The following IGF2BP3 variants were observed in gnomAD, a reference collection of about 807,000 sequenced individuals.
IGF2BP3 encodes the protein insulin like growth factor 2 mRNA binding protein 3.
IGF2BP3 carries 9 observed loss-of-function variants against 73.8 expected under a neutral mutation model. The ratio of observed to expected loss-of-function variants is 0.12; its 90% CI spans 0.07 to 0.21. IGF2BP3 has a LOEUF of 0.21. IGF2BP3 is among the 10% of genes least tolerant of loss of function. The probability of loss-of-function intolerance (pLI) is 1.00; values close to 1 mark genes in which losing one functional copy is unlikely to be tolerated. For synonymous variants in IGF2BP3, 258 were observed against 256.7 expected (o/e 1.01, Z -0.05); for missense variants, 542 against 714.0 (o/e 0.76, Z 2.75).
chr7:23,342,529 T>C (rs1173011607), intron 9 of IGF2BP3, among the ~76,000 whole-genome samples: 1 of 152,060 alleles, frequency 6.6e-6, no homozygotes, highest in Non-Finnish European at 1.5e-5. Context: ...CAAAAAGCAA[T>C]GTATCAGAGT....
At chr7:23,407,886 T>C (rs1786886787) in intron 3 of IGF2BP3, among the ~76,000 whole-genome samples, 2 of 124,292 alleles carry the variant, frequency 1.6e-5, no homozygotes, top group Non-Finnish European at 1.6e-5. Flanking sequence ...AAGAATAAAA[T>C]ACCACAATAA....
At position 23,469,419 on chromosome 7, in the gene IGF2BP3, G is replaced by T. The variant is rs934792836; in HGVS notation, c.175+517C>A. 5 of 152,364 alleles carry T rather than the reference G, an allele frequency of 3.3e-5. No individual in the cohort carries two copies. The highest frequency in any genetic ancestry group is 1.2e-4 in the African/African-American group (5 of 41,468). 9.4% of individuals were successfully genotyped at this position (152,364 alleles called of 1,614,324 possible). A position where few individuals can be genotyped will look rare whatever the true frequency, so the allele number is the denominator to read the frequency against. On this transcript the variant is annotated intron_variant, in intron 1 of 14. Transcript: ENST00000258729. The surrounding 1 kb of genome is among the most constrained non-coding windows in gnomAD (Gnocchi z 6.1). Reference sequence around the variant, plus strand: ...TCCCACAGGGTGGGGAGGAAGCGCGGGGCCGCCTGTGCGAGGCACCAGCCT... The same window carrying T: ...TCCCACAGGGTGGGGAGGAAGCGCGTGGCCGCCTGTGCGAGGCACCAGCCT...
chr7:23,371,654 A>G (rs1785551539), intron 3 of IGF2BP3, among the ~76,000 whole-genome samples: 1 of 152,244 alleles, frequency 6.6e-6, no homozygotes, highest in East Asian at 1.9e-4. Flanking sequence ...CAGACCATTA[A>G]TAAGATTGTA....
intron 10 of IGF2BP3, among the ~76,000 whole-genome samples, chr7:23,320,246 T>C (rs538238323): frequency 6.6e-6 from 1 of 152,150 alleles, no homozygotes; most frequent in African/African-American, 2.4e-5. Context: ...AATTAGAAAA[T>C]ATTTTGTAGG....
Position 23,312,328 on chromosome 7 carries a change from C to T in IGF2BP3, c.*34G>A, listed in dbSNP as rs1783854931. ...GTTAAGCAATCTGTCTTTGGTTTGG[C>T]ATCTGCCTCTGTGGTGGGCTGTTTC... On this transcript the variant is annotated 3_prime_UTR_variant, in exon 15 of 15. Coordinates refer to ENST00000258729, the MANE Select transcript of IGF2BP3 (RefSeq NM_006547.3). The T allele has an allele frequency of 2.7e-6, 4 of 1,455,914 alleles. No homozygotes were observed. The highest frequency in any genetic ancestry group is 3.9e-6 in the Non-Finnish European group (4 of 1,037,680). The allele number at this position is 1,455,914 out of a possible 1,614,324, so 90.2% of individuals were successfully genotyped here.
At chr7:23,361,316 C>T (rs192653076) in intron 5 of IGF2BP3, 3 of 483,102 alleles carry the variant, frequency 6.2e-6, no homozygotes, top group African/African-American at 3.9e-5. Context: ...CTATTATTGG[C>T]ATTAAAGATA....
At chr7:23,357,200 C>G (rs140958594) in intron 5 of IGF2BP3, among the ~76,000 whole-genome samples, 1 of 152,048 alleles carries the variant, frequency 6.6e-6, no homozygotes, top group Non-Finnish European at 1.5e-5. Flanking sequence ...TTGCTTCAAA[C>G]ACTTCTAAAC....
At chr7:23,406,809 C>T (rs1055247248) in intron 3 of IGF2BP3, among the ~76,000 whole-genome samples, 3 of 152,096 alleles carry the variant, frequency 2.0e-5, no homozygotes, top group Admixed American at 1.3e-4. Flanking sequence ...CTGATTGGTG[C>T]GTTTTTATAG....
chr7:23,398,463 T>C (rs1340593501), intron 3 of IGF2BP3, among the ~76,000 whole-genome samples: 1 of 152,206 alleles, frequency 6.6e-6, no homozygotes, highest in Non-Finnish European at 1.5e-5. Flanking sequence ...GTATTTCTAG[T>C]TCTAGATCCC....
intron 2 of IGF2BP3, among the ~76,000 whole-genome samples, chr7:23,426,798 G>T (rs929591478): frequency 3.3e-5 from 5 of 152,128 alleles, no homozygotes; most frequent in Non-Finnish European, 7.3e-5. Context: ...TTTCTATGAT[G>T]TTGGCAGCTA....
Position 23,319,192 on chromosome 7 carries a change from G to A in IGF2BP3, c.1266C>T (p.Gly422=), listed in dbSNP as rs752030714. 6.2e-7 allele frequency: 1 copy of A among 1,613,826 alleles called. No homozygotes were observed. The highest frequency in any genetic ancestry group is 1.3e-5 in the African/African-American group (1 of 74,920). The stretch of plus-strand genomic sequence containing the variant: ...GCTGCTTGATGTGCTGGCCCTGCTT[G>A]CCGATGATGGCACCGACTGATAGAG... ...IPALSVGAII[G]KQGQHIKQLS... Residue 422 remains glycine, a synonymous_variant, in exon 11 of 15, where the codon GGC becomes GGT. Transcript: ENST00000258729.
chr7:23,361,589 C>G lies in IGF2BP3; in HGVS notation c.346G>C (p.Asp116His). The G allele has an allele frequency of 1.2e-6, 2 of 1,613,376 alleles. No homozygotes were observed. The highest frequency in any genetic ancestry group is 1.7e-6 in the Non-Finnish European group (2 of 1,179,702). The change falls in exon 5 of 15, where the codon GAC becomes CAC. Residue 116 changes from aspartate to histidine, a missense_variant. Asp to His is a moderately conservative substitution (Grantham distance 81, BLOSUM62 -1). This residue lies in a region of IGF2BP3 where 239 missense variants were observed against 241.9 expected (regional missense o/e 0.99). Coordinates refer to ENST00000258729, the MANE Select transcript of IGF2BP3 (RefSeq NM_006547.3). ...ACATTTACAACTGCAGTTTCCGAGT[C>G]AGTGTTCACTAGAGGAAGAGAAAAA... ...VVESCEQVNT[D>H]SETAVVNVTY...
intron 3 of IGF2BP3, among the ~76,000 whole-genome samples, chr7:23,405,330 C>T (rs962694301): frequency 6.6e-6 from 1 of 152,134 alleles, no homozygotes; most frequent in Non-Finnish European, 1.5e-5. Context: ...CAGAAAGTAT[C>T]AAACAATAAT....
At chr7:23,362,551 A>C (rs551324061) in intron 3 of IGF2BP3, 1 of 152,232 alleles carries the variant, frequency 6.6e-6, no homozygotes, top group Non-Finnish European at 1.5e-5. Flanking sequence ...CTGTATTATT[A>C]TACTATGCAT....
rs558416850 is a variant in IGF2BP3 at position 23,346,692 on chromosome 7, A to G, written c.819-630T>C. Among the ~76,000 whole-genome samples, 9 of 151,842 alleles carry G rather than the reference A, an allele frequency of 5.9e-5. No individual in the cohort carries two copies. The East Asian group carries it at 1.8e-3, about 30-fold the overall frequency. On this transcript the variant is annotated intron_variant, in intron 7 of 14. Coordinates refer to ENST00000258729, the MANE Select transcript of IGF2BP3 (RefSeq NM_006547.3). The stretch of plus-strand genomic sequence containing the variant: ...ACTGCAACCTCCGCCTCCCGGGTTC[A>G]AGCCATTCTCCTGCCTCAGCCTCCC...
chr7:23,327,677 T>A (rs778478273), intron 10 of IGF2BP3, among the ~76,000 whole-genome samples: 1 of 152,152 alleles, frequency 6.6e-6, no homozygotes, highest in Non-Finnish European at 1.5e-5. Context: ...TTAAGCCGTT[T>A]TCAAAAATCA....
chr7:23,326,423 G>A (rs1784297599), intron 10 of IGF2BP3, among the ~76,000 whole-genome samples: 1 of 151,950 alleles, frequency 6.6e-6, no homozygotes, highest in Non-Finnish European at 1.5e-5. Context: ...AACAACAGGT[G>A]CTGGAGAGGA....
chr7:23,403,976 T>A (rs1040494372), intron 3 of IGF2BP3, among the ~76,000 whole-genome samples: 7 of 150,854 alleles, frequency 4.6e-5, no homozygotes, highest in African/African-American at 1.7e-4. Flanking sequence ...AAAAAAAATT[T>A]TTTTTTTTTT....
chr7:23,375,117 A>AT (rs1172554045), intron 3 of IGF2BP3, among the ~76,000 whole-genome samples: 1 of 152,234 alleles, frequency 6.6e-6, no homozygotes, highest in East Asian at 1.9e-4. Context: ...TAAACATTTT[A>AT]TATAATCCAT....
Sources: allele counts gnomAD v4.1 joint callset (sites outside exome capture counted in the v4.1 genomes callset), GRCh38; gene constraint gnomAD v4.1.1; regional missense constraint gnomAD v4.1.1; non-coding constraint Gnocchi (gnomAD v3.1); transcripts MANE v1.5; gene names NCBI Gene and HGNC (gene_info 2026-07-23, HGNC 2026-07-21).